Variants in ANKRD12 observed in about 807,000 individuals in gnomAD.
The protein encoded by ANKRD12 is ankyrin repeat domain-containing protein 12.
ANKRD12 carries 85 observed loss-of-function variants against 183.4 expected under a neutral mutation model. The observed-to-expected ratio is 0.46, with a 90% CI of 0.39 to 0.56. The LOEUF is 0.56. Ranked by LOEUF, ANKRD12 falls within the 20% of genes least tolerant of loss-of-function variation. The probability of loss-of-function intolerance (pLI) is 0.00; values close to 1 mark genes in which losing one functional copy is unlikely to be tolerated. For missense variants in ANKRD12, 2,405 were observed against 2,357.1 expected (o/e 1.02, Z -0.42); for synonymous variants, 914 against 800.2 (o/e 1.14, Z -2.40).
intron 10 of ANKRD12, 46 bp from the exon 11 acceptor site, chr18:9,275,478 A>G (rs767928036): frequency 6.3e-7 from 1 of 1,577,664 alleles, no homozygotes; most frequent in African/African-American, 1.4e-5. Context: ...TCTTAAACAA[A>G]AATTTGTTGA....
rs754844025 is a variant in ANKRD12 at position 9,208,814 on chromosome 18, C to T, written c.451+11C>T. On this transcript the variant is annotated intron_variant, in intron 5 of 12. Coordinates refer to ENST00000262126, the MANE Select transcript of ANKRD12 (RefSeq NM_015208.5). ...GAGACAACAGTCCAGGTGATACCTA[C>T]CATCATTGAGTTAATGTGTATCCCT... The T allele has an allele frequency of 4.6e-6, 7 of 1,538,396 alleles. No homozygotes were observed. In the South Asian group the frequency reaches 8.0e-5, roughly 17 times the overall value.
At chr18:9,234,915 G>C (rs1226824077) in intron 8 of ANKRD12, among the ~76,000 whole-genome samples, 1 of 152,066 alleles carries the variant, frequency 6.6e-6, no homozygotes, top group Non-Finnish European at 1.5e-5. Flanking sequence ...TCTTTCCCCT[G>C]GCCCAATATT....
At chr18:9,161,614 G>A (rs1429351733) in intron 1 of ANKRD12, among the ~76,000 whole-genome samples, 6 of 151,880 alleles carry the variant, frequency 4.0e-5, no homozygotes, top group Non-Finnish European at 4.4e-5. Context: ...CTGACCTTGT[G>A]ATCCGCCCGC....
intron 1 of ANKRD12, among the ~76,000 whole-genome samples, chr18:9,158,125 ACTT>A (rs1352293161): frequency 2.0e-5 from 3 of 152,268 alleles, no homozygotes; most frequent in Admixed American, 2.0e-4. Context: ...TTTAAAATAA[ACTT>A]CTTGCTTTAG....
chr18:9,257,295 G>C lies in ANKRD12; in HGVS notation c.4028G>C (p.Ser1343Thr). The change falls in exon 9 of 13, where the codon AGT becomes ACT. Residue 1343 changes from serine (S) to threonine (T), a missense_variant. This residue lies in a region of ANKRD12 where 1,983 missense variants were observed against 1,725.9 expected (regional missense o/e 1.15). Coordinates refer to ENST00000262126, the MANE Select transcript of ANKRD12 (RefSeq NM_015208.5). ...TTATTAACTGTGCCAGGAGATACTAGTCCTTCTCCCAAACCTGAGGTATTC... is the reference window on the plus strand; with the variant it reads ...TTATTAACTGTGCCAGGAGATACTACTCCTTCTCCCAAACCTGAGGTATTC... ...GSLLTVPGDT[S>T]PSPKPEVFSN... is the part of the protein sequence containing the mutation. 1 of 1,614,120 alleles carries C rather than the reference G, an allele frequency of 6.2e-7. No homozygotes were observed. The highest frequency in any genetic ancestry group is 8.5e-7 in the Non-Finnish European group (1 of 1,179,982).
intron 1 of ANKRD12, among the ~76,000 whole-genome samples, chr18:9,139,804 G>A (rs2078255633): frequency 6.6e-6 from 1 of 152,190 alleles, no homozygotes. Context: ...GACAGGAAGG[G>A]ACCTCTGATT....
At position 9,256,833 on chromosome 18, in the gene ANKRD12, C is replaced by T. The variant is rs146507735; in HGVS notation, c.3566C>T (p.Ser1189Phe). Residue 1189 changes from serine to phenylalanine, a missense_variant, in exon 9 of 13, where the codon TCT becomes TTT. Ser to Phe is a radical substitution (Grantham distance 155). This residue lies in a region of ANKRD12 where 1,983 missense variants were observed against 1,725.9 expected (regional missense o/e 1.15). Coordinates refer to ENST00000262126, the MANE Select transcript of ANKRD12 (RefSeq NM_015208.5). The part of the protein sequence containing the change: ...SFVSDNSLNR[S>F]PRSENEKPGL... ...GTTTCAGATAATAGCTTAAACAGGT[C>T]TCCTAGATCAGAAAATGAAAAGCCG... The T allele has an allele frequency of 6.2e-6, 10 of 1,613,942 alleles. No homozygotes were observed. The highest frequency in any genetic ancestry group is 1.6e-4 in the Middle Eastern group (1 of 6,062).
At chr18:9,234,278 C>T (rs1369793535) in intron 8 of ANKRD12, among the ~76,000 whole-genome samples, 1 of 152,230 alleles carries the variant, frequency 6.6e-6, no homozygotes, top group East Asian at 1.9e-4. Context: ...GTGTTTGGAG[C>T]GGCAGAAGGG....
At chr18:9,252,330 G>A (rs1205514013) in intron 8 of ANKRD12, among the ~76,000 whole-genome samples, 2 of 152,162 alleles carry the variant, frequency 1.3e-5, no homozygotes, top group African/African-American at 4.8e-5. Context: ...AGGCTGGCCA[G>A]CCTCTGGTTG....
intron 6 of ANKRD12, among the ~76,000 whole-genome samples, chr18:9,214,368 A>C (rs2144668541): frequency 6.6e-6 from 1 of 152,250 alleles, no homozygotes; most frequent in South Asian, 2.1e-4. Context: ...CATAAAATTT[A>C]CTGTAGTACA....
intron 7 of ANKRD12, among the ~76,000 whole-genome samples, chr18:9,218,899 G>A (rs1442693129): frequency 2.0e-5 from 3 of 151,992 alleles, no homozygotes; most frequent in African/African-American, 4.8e-5. Context: ...GAGCTCAAGC[G>A]ATCCTCCTGC....
At chr18:9,226,253 A>G (rs547518983) in intron 8 of ANKRD12, among the ~76,000 whole-genome samples, 5 of 152,012 alleles carry the variant, frequency 3.3e-5, no homozygotes, top group Non-Finnish European at 5.9e-5. Context: ...ATGAAACCCC[A>G]TCTCTATTAA....
intron 8 of ANKRD12, among the ~76,000 whole-genome samples, chr18:9,240,958 CA>C (rs960600212): frequency 1.3e-5 from 2 of 152,112 alleles, no homozygotes; most frequent in African/African-American, 4.8e-5. Context: ...CTTATTTCCT[CA>C]GTTTTATATT....
chr18:9,152,375 G>C (rs1458714864), intron 1 of ANKRD12, among the ~76,000 whole-genome samples: 4 of 152,282 alleles, frequency 2.6e-5, no homozygotes, highest in South Asian at 2.1e-4. Context: ...AGCCAAGACT[G>C]GGCTCTTTGA....
intron 2 of ANKRD12, among the ~76,000 whole-genome samples, chr18:9,186,136 G>GTTTTTTTTTTTTTTTTTTTTTTTTT (rs1280812557): frequency 2.1e-5 from 3 of 141,936 alleles, no homozygotes; most frequent in Non-Finnish European, 4.6e-5. Context: ...CTAAAAGTGT[G>GTTTTTTTTTTTTTTTTTTTTTTTTT]ATTTTTTTTT....
intron 9 of ANKRD12, among the ~76,000 whole-genome samples, chr18:9,262,291 A>G (rs752342029): frequency 6.6e-6 from 1 of 152,212 alleles, no homozygotes; most frequent in Non-Finnish European, 1.5e-5. Flanking sequence ...CAGAAGTGTT[A>G]TAACTTGCCA....
At chr18:9,184,497 A>G (rs567646536) in intron 2 of ANKRD12, among the ~76,000 whole-genome samples, 25 of 152,110 alleles carry the variant, frequency 1.6e-4, no homozygotes, top group Admixed American at 5.2e-4. Context: ...GGCTCAAGCA[A>G]TCCTTCCACC....
At chr18:9,186,896 T>TG (rs1370141222) in intron 2 of ANKRD12, among the ~76,000 whole-genome samples, 1 of 151,456 alleles carries the variant, frequency 6.6e-6, no homozygotes, top group Non-Finnish European at 1.5e-5. Context: ...GGACTACAGG[T>TG]GCCCGCCACC....
At chr18:9,137,968 A>G (rs1278703936) in intron 1 of ANKRD12, 1 of 152,218 alleles carries the variant, frequency 6.6e-6, no homozygotes, top group Non-Finnish European at 1.5e-5. Context: ...ACCTTAGGAA[A>G]CATTTAAAGC....
Sources: allele counts gnomAD v4.1 joint callset (sites outside exome capture counted in the v4.1 genomes callset), GRCh38; gene constraint gnomAD v4.1.1; regional missense constraint gnomAD v4.1.1; transcripts MANE v1.5; gene names NCBI Gene and HGNC (gene_info 2026-07-23, HGNC 2026-07-21).